Variants in FNBP1 observed in about 807,000 individuals in gnomAD.
FNBP1 encodes the protein formin-binding protein 1.
In FNBP1, 26 loss-of-function variants were observed where a neutral mutation model predicts 90.6. The ratio of observed to expected loss-of-function variants is 0.29; its 90% confidence interval spans 0.21 to 0.40. The LOEUF is 0.40. Among genes scored for constraint, FNBP1 ranks in the 10% least tolerant of loss-of-function variants. The pLI, the probability that FNBP1 is intolerant of heterozygous loss-of-function variation, is 1.00. For synonymous variants in FNBP1, 260 were observed against 265.2 expected, an observed-to-expected ratio of 0.98 and a Z score of 0.19; for missense variants, 635 against 768.0, an observed-to-expected ratio of 0.83 and a Z score of 2.05.
chr9:129,905,511 T>C (rs2037854636), intron 12 of FNBP1, among the ~76,000 whole-genome samples: 1 of 151,938 alleles, frequency 6.6e-6, no homozygotes, highest in Non-Finnish European at 1.5e-5. Flanking sequence ...GGTTTTGCCA[T>C]GTTGGCCAAG....
chr9:129,919,410 A>ATTT (rs2131783213), intron 10 of FNBP1, among the ~76,000 whole-genome samples: 1 of 152,366 alleles, frequency 6.6e-6, no homozygotes, highest in African/African-American at 2.4e-5. Context: ...CATATTTTAG[A>ATTT]TATAAAAGTC....
intron 4 of FNBP1, among the ~76,000 whole-genome samples, chr9:129,968,033 G>A (rs1437479152): frequency 6.6e-6 from 1 of 151,092 alleles, no homozygotes; most frequent in Non-Finnish European, 1.5e-5. Flanking sequence ...TTTTGCAGGT[G>A]AAACAACCAC....
At chr9:129,962,811 A>G (rs759145008) in intron 4 of FNBP1, among the ~76,000 whole-genome samples, 5 of 152,196 alleles carry the variant, frequency 3.3e-5, no homozygotes, top group African/African-American at 4.8e-5. Flanking sequence ...AGCCAAGGAC[A>G]GGGTTAGGGA....
intron 2 of FNBP1, among the ~76,000 whole-genome samples, chr9:129,986,799 A>T (rs930532073): frequency 1.3e-5 from 2 of 152,014 alleles, no homozygotes; most frequent in Non-Finnish European, 2.9e-5. Context: ...CAAGAAAAAA[A>T]ATTTTAAAAA....
intron 4 of FNBP1, among the ~76,000 whole-genome samples, chr9:129,961,935 A>G (rs1161526232): frequency 1.3e-5 from 2 of 152,136 alleles, no homozygotes; most frequent in African/African-American, 4.8e-5. Flanking sequence ...GACTTGGTCA[A>G]TGTCCTGCAA....
At position 129,943,992 on chromosome 9, in the gene FNBP1, C is replaced by CAAAAAA. The variant is rs397936316; in HGVS notation, c.513+13362_513+13367dup. On this transcript the variant is annotated intron_variant, in intron 6 of 16. Transcript: ENST00000446176. ...TGGGCGACAGAGCGAGACTCCATCT[C>CAAAAAA]AAAAAAAAAAAAAAAAACCTGCTAT... is the stretch of plus-strand genomic sequence containing the variant. Among the ~76,000 whole-genome samples the CAAAAAA allele has an allele frequency of 6.8e-3, 408 of 59,936 alleles. 47 individuals are homozygous for CAAAAAA. Among genetic ancestry groups the CAAAAAA allele is most frequent in the African/African-American group, 0.019 (261 of 14,018 alleles). 39.3% of individuals were successfully genotyped at this position (59,936 alleles called of 152,430 possible). A position where few individuals can be genotyped will look rare whatever the true frequency, so the allele number is the denominator to read the frequency against.
At chr9:129,944,800 G>T (rs57332061) in intron 6 of FNBP1, among the ~76,000 whole-genome samples, 15,272 of 152,152 alleles carry the variant, frequency 0.1, 862 homozygotes, top group African/African-American at 0.16. Flanking sequence ...ATTTGTAAGC[G>T]ACAGAAACAA....
At chr9:130,046,095 C>T (rs1284897023), upstream of FNBP1, among the ~76,000 whole-genome samples, 1 of 151,992 alleles carries the variant, frequency 6.6e-6, no homozygotes, top group Non-Finnish European at 1.5e-5. Flanking sequence ...TATATTTTGT[C>T]GTCAACCTTG....
At chr9:129,969,771 T>A (rs761018295) in intron 4 of FNBP1, among the ~76,000 whole-genome samples, 28 of 151,952 alleles carry the variant, frequency 1.8e-4, no homozygotes, top group South Asian at 2.1e-4. Context: ...AATTTTTTTT[T>A]AAATCTAAAA....
chr9:129,928,526 T>G (rs1326473781), intron 7 of FNBP1, among the ~76,000 whole-genome samples: 6 of 151,958 alleles, frequency 3.9e-5, no homozygotes, highest in Admixed American at 3.9e-4. Flanking sequence ...CCAGGTATGG[T>G]GGCAGGTGCC....
At position 129,996,644 on chromosome 9, in the gene FNBP1, C is replaced by T. The variant is rs150878693; in HGVS notation, c.25-1686G>A. ...AATATAAAGCTAGTGTTTAATCCTA[C>T]GCTTGTGCAATCTAACAGTATACAT... On this transcript the variant is annotated intron_variant, in intron 1 of 16. Transcript: ENST00000446176. 2.8e-4 allele frequency among the ~76,000 whole-genome samples: 43 copies of T among 152,304 alleles called. No homozygotes were observed. The East Asian group carries it at 6.9e-3, about 25-fold the overall frequency.
intron 1 of FNBP1, among the ~76,000 whole-genome samples, chr9:130,010,512 C>T (rs1251443993): frequency 6.6e-6 from 1 of 152,136 alleles, no homozygotes; most frequent in Non-Finnish European, 1.5e-5. Context: ...CCTGCCTCGG[C>T]CTCCCAAAGT....
intron 15 of FNBP1, among the ~76,000 whole-genome samples, chr9:129,899,100 C>T (rs1190022730): frequency 6.8e-6 from 1 of 146,308 alleles, no homozygotes; most frequent in African/African-American, 2.5e-5. Flanking sequence ...TTTTTTGAGA[C>T]AGAGTCTCGT....
chr9:129,997,726 GTAGCCC>G (rs2054213319), intron 1 of FNBP1, among the ~76,000 whole-genome samples: 2 of 152,140 alleles, frequency 1.3e-5, no homozygotes, highest in African/African-American at 4.8e-5. Flanking sequence ...ACACATGCCT[GTAGCCC>G]CAGCTACTAG....
intron 12 of FNBP1, among the ~76,000 whole-genome samples, chr9:129,907,268 T>C (rs1161623555): frequency 6.6e-6 from 1 of 152,176 alleles, no homozygotes; most frequent in Non-Finnish European, 1.5e-5. Context: ...GGGTTTTTAA[T>C]TTTTTGGTCC....
the FNBP1 span, among the ~76,000 whole-genome samples, chr9:130,048,571 A>T: frequency 1.4e-5 from 2 of 147,606 alleles, no homozygotes; most frequent in African/African-American, 2.5e-5. Flanking sequence ...CTCCGTCTCC[A>T]GGGTTCACAT....
chr9:129,927,478 G>A (rs182531888), intron 7 of FNBP1, 137 bp from the exon 8 acceptor site: 8 of 718,368 alleles, frequency 1.1e-5, no homozygotes, highest in South Asian at 3.9e-5. Flanking sequence ...CTAAGTACAC[G>A]GAGCCTCCAT....
At chr9:129,901,017 T>C (rs574958831) in intron 13 of FNBP1, among the ~76,000 whole-genome samples, 1 of 146,526 alleles carries the variant, frequency 6.8e-6, no homozygotes, top group African/African-American at 2.5e-5. Flanking sequence ...GGAGTGTAAC[T>C]TTTTTTTTTG....
chr9:129,954,267 T>A (rs1182620733), intron 6 of FNBP1, among the ~76,000 whole-genome samples: 2 of 152,028 alleles, frequency 1.3e-5, no homozygotes, highest in African/African-American at 4.8e-5. Context: ...AAATATGGAA[T>A]CCGTAGTTTG....
Sources: allele counts gnomAD v4.1 joint callset (sites outside exome capture counted in the v4.1 genomes callset), GRCh38; gene constraint gnomAD v4.1.1; transcripts MANE v1.5; gene names NCBI Gene and HGNC (gene_info 2026-07-23, HGNC 2026-07-21).